TBC1D22A: variants seen among roughly 807,000 people sequenced by gnomAD.
TBC1D22A encodes the protein putative GTPase activator.
In TBC1D22A, 38 loss-of-function variants were observed where a neutral mutation model predicts 60.2. That is an observed-to-expected ratio of 0.63 (90% CI 0.49 to 0.83). The LOEUF is 0.83. Among genes scored for constraint, TBC1D22A ranks in the 40% least tolerant of loss-of-function variants. The pLI, the probability that TBC1D22A is intolerant of heterozygous loss-of-function variation, is 0.00. For missense variants in TBC1D22A, 628 were observed against 701.0 expected, an observed-to-expected ratio of 0.90 and a Z score of 1.18; for synonymous variants, 302 against 281.7, an observed-to-expected ratio of 1.07 and a Z score of -0.72.
chr22:47,147,599 G>A (rs562595601), intron 12 of TBC1D22A, among the ~76,000 whole-genome samples: 84 of 152,356 alleles, frequency 5.5e-4, no homozygotes, highest in African/African-American at 1.9e-3. Flanking sequence ...GTTTCCATCC[G>A]GGCTGCATTT....
chr22:46,913,774 A>C, intron 8 of TBC1D22A: 1 of 985,288 alleles, frequency 1.0e-6, no homozygotes, highest in Non-Finnish European at 1.2e-6. Context: ...AATGTGGTAA[A>C]TAAGTTTGTT....
At chr22:46,953,873 T>G (rs566619220) in intron 8 of TBC1D22A, among the ~76,000 whole-genome samples, 85 of 152,312 alleles carry the variant, frequency 5.6e-4, no homozygotes, top group African/African-American at 2.0e-3. Flanking sequence ...CCAACACCCT[T>G]AAGAGGGAGG....
intron 1 of TBC1D22A, among the ~76,000 whole-genome samples, chr22:46,764,555 A>G (rs1195651360): frequency 6.6e-6 from 1 of 152,228 alleles, no homozygotes; most frequent in Non-Finnish European, 1.5e-5. Flanking sequence ...ATTTGTCCTT[A>G]TACTGAGTTG....
intron 8 of TBC1D22A, among the ~76,000 whole-genome samples, chr22:46,959,580 G>A (rs1301263541): frequency 6.6e-6 from 1 of 152,170 alleles, no homozygotes; most frequent in African/African-American, 2.4e-5. Flanking sequence ...GGAGGGAAAG[G>A]TCCATTTCCT....
chr22:46,805,059 C>T (rs1209228728), intron 4 of TBC1D22A, among the ~76,000 whole-genome samples: 1 of 152,214 alleles, frequency 6.6e-6, no homozygotes, highest in Non-Finnish European at 1.5e-5. Context: ...ACATTTTCTA[C>T]TTGTAACTTA....
At chr22:47,005,727 C>T (rs1178681659) in intron 10 of TBC1D22A, among the ~76,000 whole-genome samples, 2 of 151,250 alleles carry the variant, frequency 1.3e-5, no homozygotes, top group Non-Finnish European at 3.0e-5. Flanking sequence ...TACACACATC[C>T]TCATATACAT....
chr22:46,868,895 C>T (rs1342295493), intron 4 of TBC1D22A, among the ~76,000 whole-genome samples: 1 of 151,924 alleles, frequency 6.6e-6, no homozygotes, highest in Non-Finnish European at 1.5e-5. Flanking sequence ...TAGAGTTGTT[C>T]ATTTGCGGGG....
intron 10 of TBC1D22A, among the ~76,000 whole-genome samples, chr22:46,998,488 T>A (rs143981656): frequency 1.3e-5 from 2 of 152,240 alleles, no homozygotes; most frequent in African/African-American, 4.8e-5. Context: ...TTTCACAGAA[T>A]GTGGAGACAA....
chr22:47,162,297 G>A (rs1392274558), intron 12 of TBC1D22A, among the ~76,000 whole-genome samples: 1 of 151,492 alleles, frequency 6.6e-6, no homozygotes, highest in Non-Finnish European at 1.5e-5. Context: ...TCCCGCCTCT[G>A]AGGGGTGAAG....
chr22:46,884,175 T>G, intron 5 of TBC1D22A, among the ~76,000 whole-genome samples: 1 of 143,862 alleles, frequency 7.0e-6, no homozygotes, highest in African/African-American at 2.6e-5. Context: ...ATGTGAGGAG[T>G]GCTGTAGGAA....
chr22:46,942,026 T>TATATATTA, intron 8 of TBC1D22A, among the ~76,000 whole-genome samples: 1 of 137,396 alleles, frequency 7.3e-6, no homozygotes, highest in African/African-American at 2.7e-5. Context: ...TATATATATA[T>TATATATTA]TATATATATA....
At chr22:47,005,374 G>A (rs1379256591) in intron 10 of TBC1D22A, among the ~76,000 whole-genome samples, 2 of 149,218 alleles carry the variant, frequency 1.3e-5, no homozygotes, top group African/African-American at 5.0e-5. Context: ...ACACATGTCT[G>A]TACACACATA....
chr22:46,986,371 A>G (rs1463142634), intron 9 of TBC1D22A, among the ~76,000 whole-genome samples: 1 of 151,698 alleles, frequency 6.6e-6, no homozygotes, highest in African/African-American at 2.4e-5. Context: ...TTGCATTTTT[A>G]TATAAAGTTT....
chr22:46,766,014 T>C (rs2146663339), intron 1 of TBC1D22A, among the ~76,000 whole-genome samples: 1 of 146,520 alleles, frequency 6.8e-6, no homozygotes, highest in Non-Finnish European at 1.5e-5. Flanking sequence ...TGTATTTTTT[T>C]TGAGACGGAG....
chr22:47,018,556 G>A (rs917162458), intron 10 of TBC1D22A, among the ~76,000 whole-genome samples: 2 of 152,096 alleles, frequency 1.3e-5, no homozygotes, highest in African/African-American at 4.8e-5. Context: ...TTGGGCTGAC[G>A]ACACACATTC....
chr22:47,121,423 T>A (rs1454216356), intron 12 of TBC1D22A, among the ~76,000 whole-genome samples: 3 of 152,256 alleles, frequency 2.0e-5, no homozygotes, highest in Non-Finnish European at 4.4e-5. Flanking sequence ...GGGGTACAGT[T>A]ACCTAAGTTA....
chr22:46,876,998 T>C (rs140536), intron 4 of TBC1D22A, among the ~76,000 whole-genome samples: 90,208 of 152,204 alleles, frequency 0.59, 29,669 homozygotes, highest in Middle Eastern at 0.83. Flanking sequence ...TTGAATATCC[T>C]GCTGCTGTGC....
At chr22:46,800,251 A>T (rs1203530012) in intron 4 of TBC1D22A, among the ~76,000 whole-genome samples, 1 of 152,028 alleles carries the variant, frequency 6.6e-6, no homozygotes, top group Admixed American at 6.5e-5. Context: ...TGTGATGGTG[A>T]CACAGAGCAT....
chr22:47,028,100 G>A lies in TBC1D22A; in HGVS notation c.1202-8971G>A, dbSNP rs1433289121. 6.6e-6 allele frequency among the ~76,000 whole-genome samples: 1 copy of A among 152,218 alleles called. No homozygotes were observed. The highest frequency in any genetic ancestry group is 1.5e-5 in the Non-Finnish European group (1 of 68,038). ...AGTAGCTCGTGTGCACGTCTGTGAG[G>A]TGAAAATGATTTAATACCTTGTTGC... On this transcript the variant is annotated intron_variant, in intron 10 of 12. Coordinates refer to ENST00000337137, the MANE Select transcript of TBC1D22A (RefSeq NM_014346.5). This position sits in a 1 kb window ranked among gnomAD's most constrained non-coding sequence, Gnocchi z 4.4.
Sources: allele counts gnomAD v4.1 joint callset (sites outside exome capture counted in the v4.1 genomes callset), GRCh38; gene constraint gnomAD v4.1.1; non-coding constraint Gnocchi (gnomAD v3.1); transcripts MANE v1.5; gene names NCBI Gene and HGNC (gene_info 2026-07-23, HGNC 2026-07-21).